Variants in MIA2 observed in about 807,000 individuals in gnomAD.
The protein encoded by MIA2 is melanoma inhibitory activity protein 2.
A neutral mutation model predicts 167.8 loss-of-function variants in MIA2; 127 were observed. The ratio of observed to expected loss-of-function variants is 0.76; its 90% CI spans 0.66 to 0.88. The LOEUF is 0.88. Ranked by LOEUF, MIA2 falls within the 40% of genes least tolerant of loss-of-function variation. The probability of loss-of-function intolerance (pLI) is 0.00; values close to 1 mark genes in which losing one functional copy is unlikely to be tolerated. For missense variants in MIA2, 1,690 were observed against 1,624.7 expected, an observed-to-expected ratio of 1.04 and a Z score of -0.69; for synonymous variants, 552 against 541.9, an observed-to-expected ratio of 1.02 and a Z score of -0.26.
chr14:39,357,292 T>G (rs977473960), intron 23 of MIA2, among the ~76,000 whole-genome samples: 2 of 152,238 alleles, frequency 1.3e-5, no homozygotes, highest in Non-Finnish European at 2.9e-5. Context: ...AATTGATCCC[T>G]TTACCATTAT....
At chr14:39,331,593 A>G (rs1466252137) in intron 25 of MIA2, among the ~76,000 whole-genome samples, 7 of 152,216 alleles carry the variant, frequency 4.6e-5, no homozygotes, top group South Asian at 4.1e-4. Flanking sequence ...AGTGGCTGGT[A>G]GCGGTTTTTC....
chr14:39,329,781 G>A (rs1047320893), intron 25 of MIA2, among the ~76,000 whole-genome samples: 1 of 151,332 alleles, frequency 6.6e-6, no homozygotes, highest in Admixed American at 6.6e-5. Flanking sequence ...TTACTAATTT[G>A]CATATGTTGA....
chr14:39,365,655 CTATCTATCTAT>C (rs1567053066), intron 23 of MIA2, among the ~76,000 whole-genome samples: 2 of 2,198 alleles, frequency 9.1e-4, no homozygotes, highest in East Asian at 7.1e-3. Context: ...AAATACCTAT[CTATCTATCTAT>C]CTATCTATCT....
chr14:39,375,191 A>G (rs902164213), intron 23 of MIA2, among the ~76,000 whole-genome samples: 5 of 152,226 alleles, frequency 3.3e-5, no homozygotes, highest in African/African-American at 1.2e-4. Context: ...GGACAAAGCT[A>G]TTCCTTCAAT....
At chr14:39,277,092 A>T in intron 7 of MIA2, 27 bp downstream of exon 7, 2 of 1,592,486 alleles carry the variant, frequency 1.3e-6, no homozygotes, top group Admixed American at 1.8e-5. Context: ...ATACTAAGAG[A>T]ATGTTCATTT....
chr14:39,364,235 G>T (rs2074766064), intron 23 of MIA2, among the ~76,000 whole-genome samples: 1 of 152,098 alleles, frequency 6.6e-6, no homozygotes, highest in African/African-American at 2.4e-5. Flanking sequence ...GCGCGCGCCT[G>T]TAGTCCCAGC....
intron 6 of MIA2, among the ~76,000 whole-genome samples, chr14:39,272,924 G>A (rs1161994807): frequency 6.6e-6 from 1 of 152,154 alleles, no homozygotes; most frequent in Non-Finnish European, 1.5e-5. Context: ...AGATGGAAAT[G>A]TTTTCTTTAT....
chr14:39,248,440 G>C (rs1411634786), intron 4 of MIA2, among the ~76,000 whole-genome samples: 1 of 150,780 alleles, frequency 6.6e-6, no homozygotes, highest in Non-Finnish European at 1.5e-5. Context: ...ATAGTGCTAA[G>C]GCATTTTTTT....
intron 23 of MIA2, among the ~76,000 whole-genome samples, chr14:39,357,440 G>C (rs1260843069): frequency 2.0e-5 from 3 of 152,096 alleles, no homozygotes; most frequent in Non-Finnish European, 4.4e-5. Flanking sequence ...TTGAGCCTAT[G>C]TATGTCTCTG....
At chr14:39,301,837 G>A (rs976602994) in intron 14 of MIA2, among the ~76,000 whole-genome samples, 8 of 152,168 alleles carry the variant, frequency 5.3e-5, no homozygotes, top group African/African-American at 1.9e-4. Context: ...TTTGTGGCAT[G>A]TGAGAAATGT....
intron 23 of MIA2, chr14:39,370,226 C>T (rs931708894): frequency 5.2e-5 from 8 of 153,928 alleles, no homozygotes; most frequent in African/African-American, 1.9e-4. Flanking sequence ...TAGCGAAAAG[C>T]AAAATCGGTA....
chr14:39,363,060 A>C (rs1037162111), intron 23 of MIA2, among the ~76,000 whole-genome samples: 1 of 151,880 alleles, frequency 6.6e-6, no homozygotes, highest in African/African-American at 2.4e-5. Flanking sequence ...GTTTTATTCC[A>C]TTGTGTTCTG....
chr14:39,338,554 T>A (rs1053700694), intron 25 of MIA2, among the ~76,000 whole-genome samples: 8 of 152,162 alleles, frequency 5.3e-5, no homozygotes, highest in Non-Finnish European at 1.2e-4. Context: ...AAAATGTTCT[T>A]GAATAATGTA....
At chr14:39,298,537 T>TGTG (rs148951664) in intron 13 of MIA2, among the ~76,000 whole-genome samples, 3 of 99,526 alleles carry the variant, frequency 3.0e-5, no homozygotes, top group South Asian at 3.6e-4. Context: ...AGAGTTTTTT[T>TGTG]TTTTTTTTTT....
Position 39,293,336 on chromosome 14 carries a change from A to C in MIA2, c.2274A>C (p.Lys758Asn), listed in dbSNP as rs1279944911. ...ELEDEILCLE[K>N]ELKEEKSKHS... ...AGGATGAAATACTCTGTCTAGAAAA[A>C]GAGTTAAAAGAAGAGAAATCCAAAC... The change falls in exon 11 of 29, where the codon AAA becomes AAC. Residue 758 changes from lysine (K) to asparagine (N), a missense_variant. Transcript: ENST00000640607. The C allele has an allele frequency of 6.2e-7, 1 of 1,611,024 alleles. No homozygotes were observed. Among genetic ancestry groups the C allele is most frequent in the Non-Finnish European group, 8.5e-7 (1 of 1,178,012 alleles).
At chr14:39,263,558 TTTTCC>T (rs140402905) in intron 6 of MIA2, among the ~76,000 whole-genome samples, 43,133 of 146,792 alleles carry the variant, frequency 0.29, 8,031 homozygotes, top group African/African-American at 0.53. Flanking sequence ...TTCTTTCTTC[TTTTCC>T]TTTCCTTTCC....
At chr14:39,265,283 G>T in intron 6 of MIA2, 1 of 858,034 alleles carries the variant, frequency 1.2e-6, no homozygotes, top group South Asian at 1.5e-5. Context: ...TCACAGTGTG[G>T]AAACAGAAGA....
At chr14:39,297,502 AAC>A (rs1393678234) in intron 13 of MIA2, among the ~76,000 whole-genome samples, 1 of 152,180 alleles carries the variant, frequency 6.6e-6, no homozygotes, top group East Asian at 1.9e-4. Flanking sequence ...CCTGTTTGCC[AAC>A]AGTCTTGCAA....
intron 13 of MIA2, among the ~76,000 whole-genome samples, 196 bp downstream of exon 13, chr14:39,295,225 A>C (rs980672860): frequency 2.6e-5 from 4 of 151,972 alleles, no homozygotes; most frequent in African/African-American, 9.7e-5. Context: ...GGCACCCTCT[A>C]CCCCAGGGCA....
Sources: gnomAD v4.1 joint callset for allele counts (sites outside exome capture counted in the v4.1 genomes callset) on GRCh38, gnomAD v4.1.1 for gene constraint, MANE v1.5 for transcripts, NCBI Gene and HGNC (gene_info 2026-07-23, HGNC 2026-07-21) for gene names.